The following ITPR1 variants were observed in gnomAD, a reference collection of about 807,000 sequenced individuals.
ITPR1 encodes the protein inositol 1,4,5-trisphosphate-gated calcium channel ITPR1.
Under a neutral mutation model 318.4 loss-of-function variants are expected in ITPR1, and 96 were observed. The ratio of observed to expected loss-of-function variants is 0.30; its 90% confidence interval spans 0.26 to 0.36. The LOEUF is 0.36. Among genes scored for constraint, ITPR1 ranks in the 10% least tolerant of loss-of-function variants. ITPR1 has a pLI of 1.00. For synonymous variants in ITPR1, 1,312 were observed against 1,289.9 expected, an observed-to-expected ratio of 1.02 and a Z score of -0.37; for missense variants, 2,440 against 3,460.2, an observed-to-expected ratio of 0.71 and a Z score of 7.40.
intron 55 of ITPR1, among the ~76,000 whole-genome samples, chr3:4,809,607 T>TG (rs1231177158): frequency 6.6e-6 from 1 of 152,128 alleles, no homozygotes. Context: ...GTGCTTTTTT[T>TG]TGTTTTCCAA....
At chr3:4,580,277 G>T (rs946255833) in intron 4 of ITPR1, among the ~76,000 whole-genome samples, 2 of 152,178 alleles carry the variant, frequency 1.3e-5, no homozygotes, top group African/African-American at 4.8e-5. Flanking sequence ...CCTTGATGGA[G>T]GATATTAACA....
intron 29 of ITPR1, 28 bp downstream of exon 29, chr3:4,684,374 CCTTT>C: frequency 1.3e-6 from 2 of 1,535,592 alleles, no homozygotes; most frequent in African/African-American, 1.4e-5. Context: ...CACCATTTTT[CCTTT>C]CTTTATGAAT....
rs749048534 is a variant in ITPR1, at chr3:4,702,834, G to A, written c.4541G>A (p.Arg1514His). ...GCCTCTTTTGGCTTCTTGCAGACTC[G>A]CCAGCCTGTCTTTGTGCAACTGCTG... ...FSDQSTTLQTRQPVFVQLLQG... is the reference protein window; with the variant it reads ...FSDQSTTLQTHQPVFVQLLQG... Residue 1514 changes from arginine (R) to histidine (H), a missense_variant, in exon 36 of 62, where the codon CGC becomes CAC. Physicochemically the swap from Arg to His is conservative, Grantham distance 29 (BLOSUM62 0). Around this residue, in one of 23 missense-constraint regions of ITPR1, gnomAD observed 166 missense variants for 246.5 expected, o/e 0.67. Transcript: ENST00000649015. 9 of 1,613,312 alleles carry A rather than the reference G, an allele frequency of 5.6e-6. No individual in the cohort carries two copies. Among genetic ancestry groups the A allele is most frequent in the African/African-American group, 2.7e-5 (2 of 74,862 alleles).
At chr3:4,673,435 G>A in intron 21 of ITPR1, 48 bp downstream of exon 21, 1 of 1,536,246 alleles carries the variant, frequency 6.5e-7, no homozygotes, top group Non-Finnish European at 8.8e-7. Context: ...CTGTGCGGCA[G>A]TAGATAGCCC....
At chr3:4,564,897 C>G (rs1044970617) in intron 4 of ITPR1, among the ~76,000 whole-genome samples, 1 of 152,132 alleles carries the variant, frequency 6.6e-6, no homozygotes. Context: ...AGCTGTAACA[C>G]TCAGCATAGG....
chr3:4,693,101 G>A (rs892530666), intron 32 of ITPR1, among the ~76,000 whole-genome samples: 9 of 152,192 alleles, frequency 5.9e-5, no homozygotes, highest in Admixed American at 5.9e-4. Flanking sequence ...TCCAGCCTGG[G>A]CAACAAGAGT....
chr3:4,535,603 C>T (rs148285554), intron 4 of ITPR1, among the ~76,000 whole-genome samples: 4,359 of 151,540 alleles, frequency 0.029, 72 homozygotes, highest in Non-Finnish European at 0.043. Flanking sequence ...CCACCACGCC[C>T]GGCTAATTTT....
chr3:4,602,045 G>T (rs1315000341), intron 4 of ITPR1, among the ~76,000 whole-genome samples: 1 of 152,224 alleles, frequency 6.6e-6, no homozygotes, highest in African/African-American at 2.4e-5. Context: ...ATAATAAGCA[G>T]TGGTGAGAAT....
intron 44 of ITPR1, among the ~76,000 whole-genome samples, chr3:4,739,068 G>A (rs2043506931): frequency 1.3e-5 from 2 of 152,200 alleles, no homozygotes; most frequent in Admixed American, 1.3e-4. Context: ...CTCTTTCTCT[G>A]GAGAAAATGA....
At chr3:4,624,553 C>T (rs1216542154) in intron 4 of ITPR1, among the ~76,000 whole-genome samples, 2 of 151,396 alleles carry the variant, frequency 1.3e-5, no homozygotes, top group Non-Finnish European at 2.9e-5. Flanking sequence ...CCTGTAATTC[C>T]AGCCACCTTG....
chr3:4,574,152 C>T (rs2088352312), intron 4 of ITPR1, among the ~76,000 whole-genome samples: 1 of 151,228 alleles, frequency 6.6e-6, no homozygotes, highest in African/African-American at 2.4e-5. Context: ...AATTTATGGG[C>T]TATTATTGTT....
At chr3:4,640,784 A>T (rs964625119) in intron 6 of ITPR1, among the ~76,000 whole-genome samples, 1 of 152,202 alleles carries the variant, frequency 6.6e-6, no homozygotes, top group Admixed American at 6.5e-5. Context: ...TGGATACACC[A>T]TAATTAATCT....
chr3:4,566,239 T>C (rs2087236434), intron 4 of ITPR1, among the ~76,000 whole-genome samples: 1 of 152,208 alleles, frequency 6.6e-6, no homozygotes, highest in Non-Finnish European at 1.5e-5. Flanking sequence ...TATTCATTCC[T>C]TCCCCTGTTG....
chr3:4,530,706 A>C (rs373722364), intron 4 of ITPR1, among the ~76,000 whole-genome samples: 14 of 152,252 alleles, frequency 9.2e-5, no homozygotes, highest in African/African-American at 3.4e-4. Flanking sequence ...GCTTGAGCCC[A>C]GTAGGTTGAG....
intron 3 of ITPR1, among the ~76,000 whole-genome samples, chr3:4,520,292 A>C (rs982225761): frequency 6.6e-6 from 1 of 152,190 alleles, no homozygotes; most frequent in Admixed American, 6.5e-5. Flanking sequence ...TGCAAGTTAG[A>C]CTTAGCAGTC....
chr3:4,734,181 T>G (rs1465558410), intron 43 of ITPR1, among the ~76,000 whole-genome samples: 4 of 152,234 alleles, frequency 2.6e-5, no homozygotes, highest in African/African-American at 9.6e-5. Flanking sequence ...AGATGAGAAC[T>G]TGGCCTTTCA....
At chr3:4,736,650 C>T (rs1214249084) in intron 44 of ITPR1, among the ~76,000 whole-genome samples, 2 of 152,232 alleles carry the variant, frequency 1.3e-5, no homozygotes, top group South Asian at 2.1e-4. Context: ...GGGCACGAGT[C>T]GTACACGTTG....
chr3:4,645,098 A>G (rs560916356), intron 8 of ITPR1, among the ~76,000 whole-genome samples: 1 of 152,316 alleles, frequency 6.6e-6, no homozygotes, highest in East Asian at 1.9e-4. Flanking sequence ...GCTACAGAAC[A>G]AGAGACTTGG....
At chr3:4,511,169 A>G (rs2081794945) in intron 2 of ITPR1, among the ~76,000 whole-genome samples, 1 of 152,228 alleles carries the variant, frequency 6.6e-6, no homozygotes, top group African/African-American at 2.4e-5. Context: ...AGACCAGGAA[A>G]GGTATAGAGA....
Sources: gnomAD v4.1 joint callset for allele counts (sites outside exome capture counted in the v4.1 genomes callset) on GRCh38, gnomAD v4.1.1 for gene constraint, gnomAD v4.1.1 regional missense constraint, MANE v1.5 for transcripts, NCBI Gene and HGNC (gene_info 2026-07-23, HGNC 2026-07-21) for gene names.